NDUFAF6: variants seen among roughly 807,000 people sequenced by gnomAD.
NDUFAF6 encodes the protein NADH dehydrogenase (ubiquinone) complex I, assembly factor 6.
A neutral mutation model predicts 40.8 loss-of-function variants in NDUFAF6; 45 were observed. The ratio of observed to expected loss-of-function variants is 1.10; its 90% CI spans 0.87 to 1.42. The LOEUF (loss-of-function observed/expected upper bound fraction) is 1.42. Among genes scored for constraint, NDUFAF6 ranks in the 40% most tolerant of loss-of-function variants. The probability of loss-of-function intolerance (pLI) is 0.00; values close to 1 mark genes in which losing one functional copy is unlikely to be tolerated. For missense variants in NDUFAF6, 435 were observed against 418.5 expected (o/e 1.04, Z -0.34); for synonymous variants, 185 against 155.9 (o/e 1.19, Z -1.39).
chr8:94,953,328 A>G (rs1822785666), upstream of NDUFAF6, among the ~76,000 whole-genome samples: 1 of 151,978 alleles, frequency 6.6e-6, no homozygotes, highest in African/African-American at 2.4e-5. Context: ...CCTGGGCAAC[A>G]AGACGGAAAC....
intron 1 of NDUFAF6, among the ~76,000 whole-genome samples, chr8:94,911,275 CTT>C (rs1818762990): frequency 6.6e-6 from 1 of 152,152 alleles, no homozygotes; most frequent in African/African-American, 2.4e-5. Context: ...GTTTTTATCA[CTT>C]AATATTCATG....
intron 1 of NDUFAF6, chr8:94,940,689 CT>C (rs147987521): frequency 1.6e-6 from 1 of 633,366 alleles, no homozygotes; most frequent in East Asian, 2.8e-5. Context: ...AGATGGTTTC[CT>C]GCAATTTTTT....
intron 2 of NDUFAF6, chr8:94,950,032 T>C (rs900997449): frequency 6.6e-6 from 1 of 151,740 alleles, no homozygotes; most frequent in African/African-American, 2.4e-5. Flanking sequence ...GGATTCCGCC[T>C]GCCTATAGGC....
exon 6 of NDUFAF6, chr8:95,116,352 T>TTTTTG (rs1423606474): frequency 1.3e-5 from 2 of 151,918 alleles, no homozygotes; most frequent in Non-Finnish European, 2.9e-5. Context: ...ACTCGCTACT[T>TTTTTG]TTTTGTTTTG....
At position 95,036,414 on chromosome 8, in the gene NDUFAF6, T is replaced by C. The variant is rs986981697; in HGVS notation, c.420+838T>C. 4.9e-5 allele frequency: 63 copies of C among 1,289,276 alleles called. 1 individual carries two copies. Among genetic ancestry groups the C allele is most frequent in the Non-Finnish European group, 2.0e-6 (2 of 988,878 alleles). 79.9% of individuals were successfully genotyped at this position (1,289,276 alleles called of 1,614,324 possible). ...GCAGGCCCAGTTTCTGGGCCCCAGA[T>C]TGACTTCACAGAGCCCCAGTAAAGA... On this transcript the variant is annotated intron_variant, in intron 3 of 8. Coordinates refer to ENST00000396124, the MANE Select transcript of NDUFAF6 (RefSeq NM_152416.4).
At chr8:95,093,452 G>A (rs192292881) in intron 2 of NDUFAF6, among the ~76,000 whole-genome samples, 1 of 152,150 alleles carries the variant, frequency 6.6e-6, no homozygotes, top group Admixed American at 6.5e-5. Context: ...TAGAGTATCT[G>A]ATGCCAAGAC....
chr8:95,022,348 C>A (rs890086589), upstream of NDUFAF6, among the ~76,000 whole-genome samples: 27 of 151,028 alleles, frequency 1.8e-4, no homozygotes, highest in Middle Eastern at 6.8e-3. Context: ...AGGACTAGCC[C>A]TACTAGATAT....
At chr8:94,996,457 G>C (rs1221497068) in intron 2 of NDUFAF6, among the ~76,000 whole-genome samples, 1 of 152,164 alleles carries the variant, frequency 6.6e-6, no homozygotes, top group African/African-American at 2.4e-5. Flanking sequence ...TGAAAATGGG[G>C]CATCTGAATG....
intron 1 of NDUFAF6, among the ~76,000 whole-genome samples, chr8:94,937,323 C>T (rs1194630003): frequency 1.3e-5 from 2 of 151,908 alleles, no homozygotes; most frequent in African/African-American, 4.8e-5. Flanking sequence ...CGCCTGTAAT[C>T]CCAGCTACTT....
intron 2 of NDUFAF6, among the ~76,000 whole-genome samples, chr8:95,017,236 C>G (rs1827499903): frequency 6.6e-6 from 1 of 151,910 alleles, no homozygotes; most frequent in South Asian, 2.1e-4. Flanking sequence ...CCACCACGCC[C>G]CGCCCATCTG....
rs575381442 is a variant in NDUFAF6 at position 95,040,147 on chromosome 8, A to C, written c.421-1423A>C. Among the ~76,000 whole-genome samples, 162 of 152,086 alleles carry C rather than the reference A, an allele frequency of 1.1e-3. 3 individuals are homozygous for C. The highest frequency in any genetic ancestry group is 2.6e-4 in the Non-Finnish European group (18 of 67,984). On this transcript the variant is annotated intron_variant, in intron 3 of 8. Transcript: ENST00000396124. ...GTAGCTTTTTTTAGCCCTTTATGAC[A>C]TGTATATTTTTGAAGAGTATCCCCC...
At chr8:95,116,652 A>G (rs894960088), downstream of NDUFAF6, among the ~76,000 whole-genome samples, 8 of 152,186 alleles carry the variant, frequency 5.3e-5, no homozygotes, top group African/African-American at 1.9e-4. Flanking sequence ...TGCCCAGCCT[A>G]ACCACATTGA....
At chr8:95,037,245 T>C (rs1829609746) in intron 3 of NDUFAF6, among the ~76,000 whole-genome samples, 1 of 152,250 alleles carries the variant, frequency 6.6e-6, no homozygotes, top group Non-Finnish European at 1.5e-5. Context: ...ATTCAGCAGA[T>C]TTCCAACTTC....
intron 2 of NDUFAF6, among the ~76,000 whole-genome samples, chr8:94,993,167 C>G (rs1300664977): frequency 6.6e-6 from 1 of 152,164 alleles, no homozygotes; most frequent in East Asian, 1.9e-4. Flanking sequence ...CCCTCTGTAC[C>G]TGTCAGGAAC....
chr8:94,937,893 T>C (rs1349462024), intron 1 of NDUFAF6, among the ~76,000 whole-genome samples: 1 of 152,172 alleles, frequency 6.6e-6, no homozygotes, highest in Non-Finnish European at 1.5e-5. Flanking sequence ...CCTATCTGAA[T>C]GGGAGTGGAC....
chr8:94,921,202 A>T (rs1005090165), intron 1 of NDUFAF6, among the ~76,000 whole-genome samples: 3 of 152,238 alleles, frequency 2.0e-5, no homozygotes, highest in African/African-American at 7.2e-5. Flanking sequence ...CTTCTTGCAC[A>T]TTGGCTGTAT....
At chr8:95,029,233 T>C (rs969295475) in intron 1 of NDUFAF6, among the ~76,000 whole-genome samples, 5 of 152,202 alleles carry the variant, frequency 3.3e-5, no homozygotes, top group Admixed American at 1.3e-4. Flanking sequence ...AAGTACCTTA[T>C]ACTTAAGTCA....
At chr8:95,070,868 A>G (rs1832825469) in intron 9 of NDUFAF6, among the ~76,000 whole-genome samples, 2 of 152,138 alleles carry the variant, frequency 1.3e-5, no homozygotes, top group Admixed American at 1.3e-4. Context: ...CATATCTCCC[A>G]TGATTTTTTT....
chr8:94,963,760 A>G (rs1002877695), intron 1 of NDUFAF6, among the ~76,000 whole-genome samples: 21 of 152,132 alleles, frequency 1.4e-4, no homozygotes, highest in African/African-American at 4.8e-4. Flanking sequence ...CTAGGGAGCC[A>G]GACATCTGGG....
Sources: gnomAD v4.1 joint callset for allele counts (sites outside exome capture counted in the v4.1 genomes callset) on GRCh38, gnomAD v4.1.1 for gene constraint, MANE v1.5 for transcripts, NCBI Gene and HGNC (gene_info 2026-07-23, HGNC 2026-07-21) for gene names.